Variants in GNPAT observed in about 807,000 individuals in gnomAD.
GNPAT encodes the protein dihydroxyacetone phosphate acyltransferase.
A neutral mutation model predicts 78.4 loss-of-function variants in GNPAT; 30 were observed. The ratio of observed to expected loss-of-function variants is 0.38; its 90% CI spans 0.29 to 0.52. The LOEUF is 0.52. GNPAT is among the 20% of genes least tolerant of loss of function. The probability of loss-of-function intolerance (pLI) is 0.84; values close to 1 mark genes in which losing one functional copy is unlikely to be tolerated. For missense variants in GNPAT, 714 were observed against 812.2 expected, an observed-to-expected ratio of 0.88 and a Z score of 1.47; for synonymous variants, 271 against 281.1, an observed-to-expected ratio of 0.96 and a Z score of 0.36.
At chr1:231,249,713 G>A (rs1445812267) in intron 1 of GNPAT, among the ~76,000 whole-genome samples, 1 of 152,202 alleles carries the variant, frequency 6.6e-6, no homozygotes, top group Non-Finnish European at 1.5e-5. Context: ...TGGTGCCTAA[G>A]CCTCTAAAGC....
At chr1:231,248,454 C>T (rs1571932025) in intron 1 of GNPAT, among the ~76,000 whole-genome samples, 1 of 151,692 alleles carries the variant, frequency 6.6e-6, no homozygotes, top group Non-Finnish European at 1.5e-5. Context: ...ATAGGCCAGG[C>T]GTGGTGGTTC....
At chr1:231,246,664 T>G (rs1233867849) in intron 1 of GNPAT, among the ~76,000 whole-genome samples, 1 of 152,212 alleles carries the variant, frequency 6.6e-6, no homozygotes, top group African/African-American at 2.4e-5. Context: ...TAAAAACTTC[T>G]CAAGCATGGT....
intron 8 of GNPAT, 116 bp downstream of exon 8, chr1:231,266,523 A>G (rs996749188): frequency 5.7e-6 from 5 of 876,038 alleles, no homozygotes; most frequent in African/African-American, 1.6e-5. Flanking sequence ...AGAGAAAATG[A>G]TCAGAAATGC....
chr1:231,241,918 A>G (rs1684622563), intron 1 of GNPAT, among the ~76,000 whole-genome samples: 3 of 152,232 alleles, frequency 2.0e-5, no homozygotes, highest in Admixed American at 1.3e-4. Flanking sequence ...CTTGGCTTGT[A>G]TGTGGGAATA....
intron 1 of GNPAT, among the ~76,000 whole-genome samples, chr1:231,246,477 A>C (rs1204772184): frequency 6.6e-6 from 1 of 152,214 alleles, no homozygotes; most frequent in Non-Finnish European, 1.5e-5. Flanking sequence ...GAATGAGTGG[A>C]TCCTCCAGAG....
At position 231,250,098 on chromosome 1, in the gene GNPAT, A is replaced by G. The variant is rs575162469; in HGVS notation, c.79-863A>G. Among the ~76,000 whole-genome samples, 42 of 149,132 alleles carry G rather than the reference A, an allele frequency of 2.8e-4. No homozygotes were observed. The South Asian group carries it at 3.6e-3, about 13-fold the overall frequency. On this transcript the variant is annotated intron_variant, in intron 1 of 15. Coordinates refer to ENST00000366647, the MANE Select transcript of GNPAT (RefSeq NM_014236.4). The stretch of plus-strand genomic sequence containing the variant: ...GTACCTCTTTATTATTATTATTATT[A>G]TTATTATTATTTTATTTTGTAGAGA...
intron 11 of GNPAT, among the ~76,000 whole-genome samples, chr1:231,273,325 C>G (rs1685618649): frequency 6.7e-6 from 1 of 148,238 alleles, no homozygotes; most frequent in African/African-American, 2.5e-5. Flanking sequence ...AATCTCAGCT[C>G]ACTGCAAGCT....
intron 1 of GNPAT, among the ~76,000 whole-genome samples, chr1:231,242,668 A>C (rs890425421): frequency 6.6e-6 from 1 of 152,208 alleles, no homozygotes; most frequent in Non-Finnish European, 1.5e-5. Flanking sequence ...CCAGCTTTTA[A>C]CATGTAGCTT....
chr1:231,272,536 T>A, intron 11 of GNPAT, 145 bp downstream of exon 11: 2 of 661,432 alleles, frequency 3.0e-6, no homozygotes, highest in South Asian at 2.9e-5. Flanking sequence ...ACTGGGGCGC[T>A]CACAGTTCAG....
intron 9 of GNPAT, 70 bp from the exon 10 acceptor site, chr1:231,270,682 ATAACGT>A: frequency 7.3e-7 from 1 of 1,376,652 alleles, no homozygotes; most frequent in Non-Finnish European, 1.0e-6. Context: ...GTTACCATTA[ATAACGT>A]TAACGTACGC....
At chr1:231,259,572 G>A (rs1286180498) in intron 2 of GNPAT, among the ~76,000 whole-genome samples, 7 of 151,654 alleles carry the variant, frequency 4.6e-5, no homozygotes, top group African/African-American at 7.3e-5. Context: ...GCTTGAACCC[G>A]GGAAGCAGAG....
chr1:231,262,995 A>G (rs1685267035), intron 4 of GNPAT, 143 bp downstream of exon 4: 2 of 702,464 alleles, frequency 2.8e-6, no homozygotes, highest in Non-Finnish European at 5.0e-6. Flanking sequence ...AACTTGAGTT[A>G]TGTCCTTTGT....
chr1:231,276,422 G>A (rs935228754), intron 15 of GNPAT, among the ~76,000 whole-genome samples: 3 of 152,216 alleles, frequency 2.0e-5, no homozygotes, highest in Non-Finnish European at 4.4e-5. Flanking sequence ...GTCTTACACA[G>A]TAGAAAGAGT....
chr1:231,244,736 A>C lies in GNPAT; in HGVS notation c.78+3280A>C, dbSNP rs147725141. 1.6e-3 allele frequency among the ~76,000 whole-genome samples: 247 copies of C among 152,312 alleles called. 1 individual carries two copies. Among genetic ancestry groups the C allele is most frequent in the African/African-American group, 5.7e-3 (235 of 41,564 alleles). On this transcript the variant is annotated intron_variant, in intron 1 of 15. Transcript: ENST00000366647. ...AGAGCAAGAGAGGGGGTCTGGCCTAAATGTATAGATTTTTCAGCATGTAGG... is the reference window on the plus strand; with the variant it reads ...AGAGCAAGAGAGGGGGTCTGGCCTACATGTATAGATTTTTCAGCATGTAGG...
chr1:231,275,178 CT>C, intron 12 of GNPAT, 42 bp from the exon 13 acceptor site: 1 of 1,167,834 alleles, frequency 8.6e-7, no homozygotes, highest in Non-Finnish European at 1.3e-6. Context: ...CTTGGCTATC[CT>C]TTTTCTCTTT....
In GNPAT at chr1:231,250,308, G is replaced by A. The variant is rs114413645; in HGVS notation, c.79-653G>A. On this transcript the variant is annotated intron_variant, in intron 1 of 15. Transcript: ENST00000366647. ...TAACTGGGCTTGGTGGTATGCACTTGTAATCCTAGCTACTCGAGAGGCTGA... is the reference window on the plus strand; with the variant it reads ...TAACTGGGCTTGGTGGTATGCACTTATAATCCTAGCTACTCGAGAGGCTGA... Among the ~76,000 whole-genome samples the A allele has an allele frequency of 8.2e-3, 1,251 of 152,146 alleles. 12 individuals carry two copies. Among genetic ancestry groups the A allele is most frequent in the Non-Finnish European group, 0.012 (784 of 67,992 alleles).
In GNPAT at chr1:231,266,039, AT is replaced by A; in HGVS notation, c.804del (p.Phe268LeufsTer31). On this transcript the variant is annotated frameshift_variant, in exon 7 of 16. Coordinates refer to ENST00000366647, the MANE Select transcript of GNPAT (RefSeq NM_014236.4). LOFTEE classifies it high-confidence loss of function. ...GTCTTCTGAATATTGTGATGGAGCC[AT>A]TTTTTAAAAGAGAAGTTTTTGATAC... ...FGLLNIVMEP[F>X]FKREVFDTYL... The A allele has an allele frequency of 6.2e-7, 1 of 1,612,890 alleles. No homozygotes were observed. Among genetic ancestry groups the A allele is most frequent in the Non-Finnish European group, 8.5e-7 (1 of 1,179,302 alleles).
In GNPAT at chr1:231,275,318, A is replaced by G. The variant is rs1685681633; in HGVS notation, c.1841A>G (p.Gln614Arg). Residue 614 changes from glutamine to arginine, a missense_variant and splice_region_variant, in exon 13 of 16, where the codon CAA (glutamine) becomes CGA (arginine). Gln to Arg is a conservative substitution (Grantham distance 43). Coordinates refer to ENST00000366647, the MANE Select transcript of GNPAT (RefSeq NM_014236.4). Reference sequence around the variant, plus strand: ...AAATTCACAAGTCAGCTTCTCGATCAAGGTCAGTCACTGCTCTGTGGGTGC... The same window carrying G: ...AAATTCACAAGTCAGCTTCTCGATCGAGGTCAGTCACTGCTCTGTGGGTGC... ...VRKFTSQLLDQGTSQCYDVLS... is the reference protein window; with the variant it reads ...VRKFTSQLLDRGTSQCYDVLS... 1 of 1,607,186 alleles carries G rather than the reference A, an allele frequency of 6.2e-7. No individual in the cohort carries two copies. Among genetic ancestry groups the G allele is most frequent in the Non-Finnish European group, 8.5e-7 (1 of 1,173,708 alleles).
In GNPAT at chr1:231,251,394, A is replaced by G. The variant is rs549859874; in HGVS notation, c.261+251A>G. ...AGTGAAATATGATACGAGACATGCT[A>G]GTGGGAGCCCAGTGTGCAGGGGCGC... On this transcript the variant is annotated intron_variant, in intron 2 of 15. Transcript: ENST00000366647. 1.3e-4 allele frequency among the ~76,000 whole-genome samples: 20 copies of G among 152,252 alleles called. 1 individual carries two copies. In the East Asian group the frequency reaches 3.7e-3, roughly 28 times the overall value.
Sources: allele counts gnomAD v4.1 joint callset (sites outside exome capture counted in the v4.1 genomes callset), GRCh38; gene constraint gnomAD v4.1.1; transcripts MANE v1.5; gene names NCBI Gene and HGNC (gene_info 2026-07-23, HGNC 2026-07-21).